GLIS3: variants seen among roughly 807,000 people sequenced by gnomAD.
GLIS3 encodes zinc finger protein GLIS3.
In GLIS3, 53 loss-of-function variants were observed where a neutral mutation model predicts 78.6. The observed-to-expected ratio is 0.67, with a 90% CI of 0.54 to 0.85. GLIS3 has a LOEUF of 0.85. GLIS3 is among the 40% of genes least tolerant of loss of function. The pLI, the probability that GLIS3 is intolerant of heterozygous loss-of-function variation, is 0.00. For missense variants in GLIS3, 1,703 were observed against 1,231.1 expected, an observed-to-expected ratio of 1.38 and a Z score of -5.74; for synonymous variants, 684 against 509.9, an observed-to-expected ratio of 1.34 and a Z score of -4.60.
the GLIS3 span, among the ~76,000 whole-genome samples, chr9:4,397,678 AAGGG>A: frequency 7.0e-5 from 3 of 42,586 alleles, no homozygotes; most frequent in African/African-American, 1.5e-4. Flanking sequence ...GGGAGGGAGG[AAGGG>A]AGGGAGGGAG....
At chr9:4,317,548 G>C (rs1817460030) in intron 2 of GLIS3, among the ~76,000 whole-genome samples, 1 of 152,208 alleles carries the variant, frequency 6.6e-6, no homozygotes, top group South Asian at 2.1e-4. Context: ...GGCAAAAAAT[G>C]CTAAAGTGAG....
Position 4,118,755 on chromosome 9 carries a change from G to A in GLIS3, c.723C>T (p.Gly241=), listed in dbSNP as rs1831947762. 6.2e-7 allele frequency: 1 copy of A among 1,613,848 alleles called. No homozygotes were observed. The highest frequency in any genetic ancestry group is 8.5e-7 in the Non-Finnish European group (1 of 1,180,022). ...CCCCTAGATCAAGGCCATTCTGAGA[G>A]CCGTGGTTGGAGAGCGAAGGGAGGG... ...YRALPSLSNH[G]SQNGLDLGDL... The change falls in exon 4 of 11, where the codon GGC becomes GGT. Residue 241 remains glycine (G), a synonymous_variant. Transcript: ENST00000381971. This position sits in a 1 kb window ranked among gnomAD's most constrained non-coding sequence, Gnocchi z 4.7.
At chr9:4,085,670 G>A (rs187434649) in intron 4 of GLIS3, among the ~76,000 whole-genome samples, 5 of 152,254 alleles carry the variant, frequency 3.3e-5, no homozygotes, top group South Asian at 2.1e-4. Context: ...GCTTTATCAC[G>A]GGGGCGGATT....
At chr9:4,369,602 T>C in the GLIS3 span, among the ~76,000 whole-genome samples, 7 of 152,156 alleles carry the variant, frequency 4.6e-5, no homozygotes, top group African/African-American at 7.2e-5. Context: ...CTCCCCTGGC[T>C]GTAGGCCCTT....
chr9:4,040,301 AC>A lies in GLIS3; in HGVS notation c.1710+77466del, dbSNP rs201442420. Among the ~76,000 whole-genome samples the A allele has an allele frequency of 7.8e-4, 118 of 151,676 alleles. 4 individuals are homozygous for A. Among genetic ancestry groups the A allele is most frequent in the East Asian group, 4.6e-3 (24 of 5,164 alleles). On this transcript the variant is annotated intron_variant, in intron 4 of 10. Coordinates refer to ENST00000381971, the MANE Select transcript of GLIS3 (RefSeq NM_001042413.2). ...CTTCACAAGGTAAAAAAAACAAAAAACAAAAAACCTGCTACATTGAATATAT... is the reference window on the plus strand; with the variant it reads ...CTTCACAAGGTAAAAAAAACAAAAAAAAAAAACCTGCTACATTGAATATAT...
chr9:3,877,501 A>C (rs897678536), intron 8 of GLIS3, among the ~76,000 whole-genome samples: 8 of 152,168 alleles, frequency 5.3e-5, no homozygotes, highest in African/African-American at 1.9e-4. Flanking sequence ...TAATCACCTA[A>C]AGTTCAAACT....
the GLIS3 span, among the ~76,000 whole-genome samples, chr9:4,408,634 G>T: frequency 6.9e-6 from 1 of 145,338 alleles, no homozygotes; most frequent in Non-Finnish European, 1.5e-5. Context: ...GGCTGAGGCA[G>T]GAGAATGGCG....
At chr9:3,954,228 A>C (rs1259445247) in intron 4 of GLIS3, among the ~76,000 whole-genome samples, 1 of 152,220 alleles carries the variant, frequency 6.6e-6, no homozygotes, top group Non-Finnish European at 1.5e-5. Context: ...AAACTGAGGC[A>C]CCAGGGAGAA....
At chr9:3,937,221 G>T in intron 4 of GLIS3, 32 bp from the exon 5 acceptor site, 1 of 1,612,984 alleles carries the variant, frequency 6.2e-7, no homozygotes. Flanking sequence ...TGGTGGTTGA[G>T]AAGGACCTTG....
Position 3,923,068 on chromosome 9 carries a change from C to G in GLIS3, c.1983+9292G>C, listed in dbSNP as rs922023485. ...TTGGAAAAGACTGAGAAACCTAGAA[C>G]TGATGATAGCATGGCTGGGTGTAGT... On this transcript the variant is annotated intron_variant, in intron 6 of 10. Transcript: ENST00000381971. Among the ~76,000 whole-genome samples, 6 of 152,300 alleles carry G rather than the reference C, an allele frequency of 3.9e-5. No individual in the cohort carries two copies. The South Asian group carries it at 1.2e-3, about 32-fold the overall frequency.
chr9:4,214,368 G>C (rs547315984), intron 2 of GLIS3, among the ~76,000 whole-genome samples: 1 of 152,170 alleles, frequency 6.6e-6, no homozygotes, highest in Non-Finnish European at 1.5e-5. Flanking sequence ...ACATCTTCTG[G>C]ATTACTTAGT....
chr9:4,149,988 G>A (rs769457679), intron 2 of GLIS3, among the ~76,000 whole-genome samples: 9 of 152,158 alleles, frequency 5.9e-5, no homozygotes, highest in African/African-American at 1.2e-4. Context: ...CAGTTCATAC[G>A]GATATATGTT....
At chr9:4,113,185 G>A (rs946132884) in intron 4 of GLIS3, among the ~76,000 whole-genome samples, 6 of 151,684 alleles carry the variant, frequency 4.0e-5, no homozygotes, top group East Asian at 1.9e-4. Flanking sequence ...ATATATATGC[G>A]TATTTTAATT....
the GLIS3 span, among the ~76,000 whole-genome samples, chr9:4,471,621 A>T: frequency 2.0e-5 from 3 of 152,242 alleles, no homozygotes; most frequent in Non-Finnish European, 4.4e-5. Flanking sequence ...TGGATTAAAG[A>T]CTTTTAAGTT....
At chr9:4,372,586 T>C in the GLIS3 span, among the ~76,000 whole-genome samples, 1 of 150,622 alleles carries the variant, frequency 6.6e-6, no homozygotes, top group African/African-American at 2.4e-5. Flanking sequence ...ACACAGCGCG[T>C]GCACCTAAAT....
At chr9:4,427,143 G>A in the GLIS3 span, among the ~76,000 whole-genome samples, 1 of 152,156 alleles carries the variant, frequency 6.6e-6, no homozygotes, top group Non-Finnish European at 1.5e-5. Flanking sequence ...TATATTTTAT[G>A]CATGGGTGAG....
chr9:4,437,861 T>C, the GLIS3 span, among the ~76,000 whole-genome samples: 2 of 152,216 alleles, frequency 1.3e-5, no homozygotes, highest in African/African-American at 2.4e-5. Flanking sequence ...ATTTTCTTAA[T>C]AATATTTTCT....
the GLIS3 span, among the ~76,000 whole-genome samples, chr9:4,374,177 C>T: frequency 6.6e-6 from 1 of 152,200 alleles, no homozygotes; most frequent in Non-Finnish European, 1.5e-5. Context: ...TTCAGTGATA[C>T]TGCCTTCTAA....
At chr9:4,317,057 G>C (rs1264379718) in intron 2 of GLIS3, among the ~76,000 whole-genome samples, 9 of 152,192 alleles carry the variant, frequency 5.9e-5, no homozygotes, top group Non-Finnish European at 2.9e-5. Context: ...TGAAAGATGA[G>C]GATGCTTGAG....
Sources: gnomAD v4.1 joint callset for allele counts (sites outside exome capture counted in the v4.1 genomes callset) on GRCh38, gnomAD v4.1.1 for gene constraint, Gnocchi (gnomAD v3.1) non-coding constraint, MANE v1.5 for transcripts, NCBI Gene and HGNC (gene_info 2026-07-23, HGNC 2026-07-21) for gene names.